The following PPM1B variants were observed in gnomAD, a reference collection of about 807,000 sequenced individuals.
The protein encoded by PPM1B is protein phosphatase, Mg2+/Mn2+ dependent 1B.
PPM1B carries 22 observed loss-of-function variants against 43.0 expected under a neutral mutation model. The observed-to-expected ratio is 0.51, with a 90% CI of 0.37 to 0.73. The LOEUF (loss-of-function observed/expected upper bound fraction) is 0.73. Ranked by LOEUF, PPM1B falls within the 30% of genes least tolerant of loss-of-function variation. PPM1B has a pLI of 0.00. For synonymous variants in PPM1B, 217 were observed against 197.9 expected (o/e 1.10, Z -0.81); for missense variants, 632 against 584.2 (o/e 1.08, Z -0.84).
chr2:44,169,896 G>A (rs145864699), intron 1 of PPM1B, among the ~76,000 whole-genome samples: 72 of 152,136 alleles, frequency 4.7e-4, no homozygotes, highest in African/African-American at 1.6e-3. Flanking sequence ...GTTCTTAATT[G>A]AAACTGCCAC....
intron 5 of PPM1B, among the ~76,000 whole-genome samples, chr2:44,226,735 C>CTTTTTTTTTTTTTTTTTTTTTTTT (rs60750702): frequency 4.5e-5 from 3 of 66,692 alleles, no homozygotes; most frequent in African/African-American, 6.5e-5. Context: ...AGGTTTTTAT[C>CTTTTTTTTTTTTTTTTTTTTTTTT]TTTTTTTTTT....
intron 5 of PPM1B, among the ~76,000 whole-genome samples, chr2:44,223,480 C>G (rs1356319548): frequency 3.3e-5 from 5 of 151,958 alleles, no homozygotes; most frequent in Non-Finnish European, 5.9e-5. Context: ...TTTTTATTCA[C>G]TTGTCAAAGC....
chr2:44,184,263 A>G (rs1445735709), intron 1 of PPM1B, among the ~76,000 whole-genome samples: 3 of 152,186 alleles, frequency 2.0e-5, no homozygotes, highest in South Asian at 2.1e-4. Flanking sequence ...TTGATAGGAC[A>G]TTGACCTGTT....
chr2:44,240,600 A>C (rs1260081758), intron 5 of PPM1B, among the ~76,000 whole-genome samples: 1 of 146,206 alleles, frequency 6.8e-6, no homozygotes, highest in Non-Finnish European at 1.5e-5. Context: ...TATCTTGATT[A>C]CTTGCCATTC....
At chr2:44,183,750 T>C (rs1038600820) in intron 1 of PPM1B, among the ~76,000 whole-genome samples, 2 of 152,156 alleles carry the variant, frequency 1.3e-5, no homozygotes, top group Admixed American at 1.3e-4. Flanking sequence ...TTTTTCTTCT[T>C]TTTTTCAAGA....
At chr2:44,192,173 A>G (rs1277858062) in intron 1 of PPM1B, among the ~76,000 whole-genome samples, 1 of 139,072 alleles carries the variant, frequency 7.2e-6, no homozygotes, top group Non-Finnish European at 1.5e-5. Context: ...ATTTTATGTT[A>G]TGTTATGTTA....
intron 5 of PPM1B, among the ~76,000 whole-genome samples, chr2:44,221,805 G>T (rs1185635514): frequency 2.0e-5 from 3 of 152,012 alleles, no homozygotes; most frequent in South Asian, 2.1e-4. Context: ...AGAAAGTAGA[G>T]TTGAGTATAA....
At chr2:44,245,751 G>A (rs1670842971), downstream of PPM1B, among the ~76,000 whole-genome samples, 1 of 152,152 alleles carries the variant, frequency 6.6e-6, no homozygotes, top group African/African-American at 2.4e-5. Context: ...TTTCCCAAGA[G>A]AAACACTGCC....
chr2:44,243,193 C>G (rs1670786976), intron 5 of PPM1B, among the ~76,000 whole-genome samples: 1 of 152,174 alleles, frequency 6.6e-6, no homozygotes, highest in Non-Finnish European at 1.5e-5. Flanking sequence ...AGAGAGAGGG[C>G]TAAGATGCTC....
chr2:44,187,368 C>T (rs751164531), intron 1 of PPM1B, among the ~76,000 whole-genome samples: 3 of 152,120 alleles, frequency 2.0e-5, no homozygotes, highest in Non-Finnish European at 4.4e-5. Context: ...ATGGGTACTA[C>T]GATCATGGGT....
intron 5 of PPM1B, among the ~76,000 whole-genome samples, chr2:44,240,313 T>G (rs914306785): frequency 6.8e-6 from 1 of 146,454 alleles, no homozygotes; most frequent in East Asian, 2.0e-4. Context: ...ACATTTACAT[T>G]TTTAATTGTA....
chr2:44,206,264 T>C (rs938505370), intron 2 of PPM1B, among the ~76,000 whole-genome samples: 10 of 152,218 alleles, frequency 6.6e-5, no homozygotes, highest in African/African-American at 2.4e-4. Flanking sequence ...TAGTGAAAAC[T>C]TTATACTGAT....
At chr2:44,241,678 G>A (rs1202143535) in intron 5 of PPM1B, among the ~76,000 whole-genome samples, 1 of 112,982 alleles carries the variant, frequency 8.9e-6, no homozygotes, top group Non-Finnish European at 2.1e-5. Context: ...GCTTCAGTGA[G>A]CTGAGATCAT....
intron 1 of PPM1B, among the ~76,000 whole-genome samples, chr2:44,181,141 C>G (rs1380565239): frequency 6.6e-6 from 1 of 152,140 alleles, no homozygotes; most frequent in Non-Finnish European, 1.5e-5. Context: ...GACAGAGTCT[C>G]AGTATGTTGC....
intron 1 of PPM1B, among the ~76,000 whole-genome samples, chr2:44,170,157 T>G (rs1667260118): frequency 6.6e-6 from 1 of 152,238 alleles, no homozygotes; most frequent in Admixed American, 6.5e-5. Context: ...TCTGGGACGT[T>G]TGCCCATCTT....
chr2:44,178,670 C>T (rs1165169900), intron 1 of PPM1B, among the ~76,000 whole-genome samples: 4 of 151,826 alleles, frequency 2.6e-5, no homozygotes, highest in African/African-American at 9.7e-5. Context: ...GGGGTTTCAC[C>T]ATGTTGGCCA....
chr2:44,211,783 G>GT (rs1357064798), intron 3 of PPM1B, among the ~76,000 whole-genome samples: 2 of 114,902 alleles, frequency 1.7e-5, no homozygotes, highest in Admixed American at 2.4e-4. Flanking sequence ...GAGTTTCGCT[G>GT]TTGTTGCCCA....
chr2:44,233,839 A>G, downstream of PPM1B: 5 of 985,704 alleles, frequency 5.1e-6, no homozygotes, highest in Non-Finnish European at 6.0e-6. Context: ...CTTGTAAGTT[A>G]AAGTGCTTTA....
At chr2:44,227,118 T>G (rs1670254071) in intron 5 of PPM1B, among the ~76,000 whole-genome samples, 1 of 151,142 alleles carries the variant, frequency 6.6e-6, no homozygotes, top group South Asian at 2.1e-4. Context: ...GGACCAGAGG[T>G]GTGTGCTGCC....
Sources: gnomAD v4.1 joint callset for allele counts (sites outside exome capture counted in the v4.1 genomes callset) on GRCh38, gnomAD v4.1.1 for gene constraint, MANE v1.5 for transcripts, NCBI Gene and HGNC (gene_info 2026-07-23, HGNC 2026-07-21) for gene names.